Variants in MYO1E observed in about 807,000 individuals in gnomAD.
MYO1E encodes myosin IE.
In MYO1E, 68 loss-of-function variants were observed where a neutral mutation model predicts 151.1. That is an observed-to-expected ratio of 0.45 (90% CI 0.37 to 0.55). The LOEUF is 0.55. MYO1E is among the 20% of genes least tolerant of loss of function. MYO1E has a pLI of 0.00. For synonymous variants in MYO1E, 601 were observed against 501.7 expected, an observed-to-expected ratio of 1.20 and a Z score of -2.64; for missense variants, 1,363 against 1,389.3, an observed-to-expected ratio of 0.98 and a Z score of 0.30.
chr15:59,307,959 G>A (rs547725384), intron 1 of MYO1E, among the ~76,000 whole-genome samples: 18 of 146,454 alleles, frequency 1.2e-4, no homozygotes, highest in Middle Eastern at 3.4e-3. Context: ...GCTCACGCCT[G>A]TAATCCCAGC....
At chr15:59,251,840 A>G (rs532186870) in intron 4 of MYO1E, among the ~76,000 whole-genome samples, 1 of 152,362 alleles carries the variant, frequency 6.6e-6, no homozygotes, top group East Asian at 1.9e-4. Context: ...AGGTTGACAT[A>G]GAAAAGGATT....
Position 59,372,802 on chromosome 15 carries a change from G to A in MYO1E, c.-302C>T. The A allele has an allele frequency of 2.0e-6, 1 of 489,680 alleles. No individual in the cohort carries two copies. Among genetic ancestry groups the A allele is most frequent in the South Asian group, 2.9e-5 (1 of 34,206 alleles). 30.3% of individuals were successfully genotyped at this position (489,680 alleles called of 1,614,324 possible). A position where few individuals can be genotyped will look rare whatever the true frequency, so the allele number is the denominator to read the frequency against. On this transcript the variant is annotated 5_prime_UTR_variant, in exon 1 of 28. It adds an upstream start codon to the 5' untranslated region. Transcript: ENST00000288235. ...CAGGTGAGTCCGATGCGCTCGGAGCGTCCGCCTCGCTCCCCTGCCTCACTC... is the reference window on the plus strand; with the variant it reads ...CAGGTGAGTCCGATGCGCTCGGAGCATCCGCCTCGCTCCCCTGCCTCACTC...
At chr15:59,232,194 T>C (rs2080032455) in intron 5 of MYO1E, among the ~76,000 whole-genome samples, 1 of 152,186 alleles carries the variant, frequency 6.6e-6, no homozygotes, top group South Asian at 2.1e-4. Flanking sequence ...ACCCATCTCA[T>C]CCCATCTCCA....
intron 1 of MYO1E, among the ~76,000 whole-genome samples, chr15:59,278,339 T>C (rs574448563): frequency 1.3e-5 from 2 of 152,358 alleles, no homozygotes; most frequent in East Asian, 1.9e-4. Context: ...GGTAACACTC[T>C]GGCCTGCAGT....
At chr15:59,242,102 A>T (rs1397293012) in intron 4 of MYO1E, among the ~76,000 whole-genome samples, 2 of 152,194 alleles carry the variant, frequency 1.3e-5, no homozygotes, top group Non-Finnish European at 2.9e-5. Flanking sequence ...TTCGTGCTAC[A>T]TTTTATATAG....
chr15:59,187,029 A>G (rs1398310118), intron 18 of MYO1E, among the ~76,000 whole-genome samples: 1 of 152,236 alleles, frequency 6.6e-6, no homozygotes, highest in Non-Finnish European at 1.5e-5. Flanking sequence ...TAAATATTTT[A>G]AGCTTATTGT....
intron 10 of MYO1E, among the ~76,000 whole-genome samples, chr15:59,216,643 A>AGTGTGTGTGTGTGTGTCTGTGTGT (rs2079917218): frequency 2.3e-5 from 1 of 43,452 alleles, no homozygotes; most frequent in Non-Finnish European, 5.1e-5. Flanking sequence ...AAGGGCCCCC[A>AGTGTGTGTGTGTGTGTCTGTGTGT]GTGTGTGTGT....
At chr15:59,228,660 G>A (rs2080006754) in intron 6 of MYO1E, among the ~76,000 whole-genome samples, 2 of 151,996 alleles carry the variant, frequency 1.3e-5, no homozygotes, top group Admixed American at 6.6e-5. Context: ...GAGTGGTGTG[G>A]TCTATGGTCA....
intron 1 of MYO1E, among the ~76,000 whole-genome samples, chr15:59,306,648 G>C (rs1261549693): frequency 6.6e-6 from 1 of 152,212 alleles, no homozygotes; most frequent in African/African-American, 2.4e-5. Flanking sequence ...GCCTTTATTT[G>C]TGAAAGGTCT....
At chr15:59,176,000 C>T (rs1262363919) in intron 19 of MYO1E, among the ~76,000 whole-genome samples, 2 of 152,192 alleles carry the variant, frequency 1.3e-5, no homozygotes, top group South Asian at 2.1e-4. Flanking sequence ...AGCCAAAAGA[C>T]ATGGATACAT....
At position 59,134,028 on chromosome 15, in the gene MYO1E, T is replaced by TGTCA. The variant is rs1280596453; in HGVS notation, c.*3348_*3351dup. On this transcript the variant is annotated 3_prime_UTR_variant, in exon 28 of 28. Transcript: ENST00000288235. ...ACACTTCCACCTGGCAGGAGCCCGCTGTCACTCTGGTGCTCTGGGTAAGCT... is the reference window on the plus strand; with the variant it reads ...ACACTTCCACCTGGCAGGAGCCCGCTGTCAGTCACTCTGGTGCTCTGGGTAAGCT... 2 of 152,300 alleles carry TGTCA rather than the reference T, an allele frequency of 1.3e-5. No individual in the cohort carries two copies. The highest frequency in any genetic ancestry group is 4.8e-5 in the African/African-American group (2 of 41,462). 9.4% of individuals were successfully genotyped at this position (152,300 alleles called of 1,614,324 possible). A position where few individuals can be genotyped will look rare whatever the true frequency, so the allele number is the denominator to read the frequency against.
At chr15:59,184,148 G>A (rs11632378) in intron 18 of MYO1E, among the ~76,000 whole-genome samples, 137,694 of 152,170 alleles carry the variant, frequency 0.9, 62,333 homozygotes, top group East Asian at 0.96. Flanking sequence ...CTGGAATTAC[G>A]GGTGTGCGCC....
chr15:59,161,353 C>T lies in MYO1E; in HGVS notation c.2628-123G>A, dbSNP rs2079537359. 5 of 1,117,138 alleles carry T rather than the reference C, an allele frequency of 4.5e-6. No individual in the cohort carries two copies. In the Admixed American group the frequency reaches 9.5e-5, roughly 21 times the overall value. 69.2% of individuals were successfully genotyped at this position (1,117,138 alleles called of 1,614,324 possible). A position where few individuals can be genotyped will look rare whatever the true frequency, so the allele number is the denominator to read the frequency against. On this transcript the variant is annotated intron_variant, in intron 23 of 27. Coordinates refer to ENST00000288235, the MANE Select transcript of MYO1E (RefSeq NM_004998.4). The stretch of plus-strand genomic sequence containing the variant: ...ACATGAGGCGAGAACGGACAATCTA[C>T]ACCAGGAGCAGGGCCCTGAGGATGC...
intron 22 of MYO1E, 67 bp downstream of exon 22, chr15:59,171,830 T>G (rs1233787561): frequency 3.1e-6 from 5 of 1,607,832 alleles, no homozygotes; most frequent in Non-Finnish European, 4.3e-6. Context: ...TCCTGGCTGT[T>G]TGGAACAGCG....
At chr15:59,327,477 T>TTTA (rs1191967996) in intron 1 of MYO1E, among the ~76,000 whole-genome samples, 2 of 151,826 alleles carry the variant, frequency 1.3e-5, no homozygotes, top group Non-Finnish European at 2.9e-5. Flanking sequence ...TCTGGCTATT[T>TTTA]TTATTATTAT....
chr15:59,327,307 G>A (rs1456056039), intron 1 of MYO1E, among the ~76,000 whole-genome samples: 1 of 144,768 alleles, frequency 6.9e-6, no homozygotes, highest in East Asian at 2.0e-4. Flanking sequence ...CTTTTTAAAA[G>A]GCACTTTGTA....
intron 1 of MYO1E, among the ~76,000 whole-genome samples, chr15:59,343,622 T>C (rs765445503): frequency 1.6e-4 from 25 of 152,186 alleles, no homozygotes; most frequent in Non-Finnish European, 2.6e-4. Flanking sequence ...CTACCTCCTT[T>C]AAGGCCAATA....
chr15:59,159,347 C>T lies in MYO1E; in HGVS notation c.2786-968G>A, dbSNP rs930149342. Reference sequence around the variant, plus strand: ...GGGCCCGCCGCACAAACATAGCCTGCTGGTTATTTGCAGCCTTTCTTTGCC... The same window carrying T: ...GGGCCCGCCGCACAAACATAGCCTGTTGGTTATTTGCAGCCTTTCTTTGCC... On this transcript the variant is annotated intron_variant, in intron 24 of 27. Transcript: ENST00000288235. This position sits in a 1 kb window ranked among gnomAD's most constrained non-coding sequence, Gnocchi z 4.4. 6.6e-6 allele frequency among the ~76,000 whole-genome samples: 1 copy of T among 152,244 alleles called. No homozygotes were observed. Among genetic ancestry groups the T allele is most frequent in the Non-Finnish European group, 1.5e-5 (1 of 68,042 alleles).
chr15:59,321,743 A>T (rs767055705), intron 1 of MYO1E, among the ~76,000 whole-genome samples: 10 of 152,302 alleles, frequency 6.6e-5, no homozygotes, highest in Non-Finnish European at 1.0e-4. Context: ...TCTACAAAAA[A>T]TACAAAAATT....
Sources: allele counts gnomAD v4.1 joint callset (sites outside exome capture counted in the v4.1 genomes callset), GRCh38; gene constraint gnomAD v4.1.1; non-coding constraint Gnocchi (gnomAD v3.1); transcripts MANE v1.5; gene names NCBI Gene and HGNC (gene_info 2026-07-23, HGNC 2026-07-21).